Variants in AGO2 observed in about 807,000 individuals in gnomAD.
AGO2 encodes the protein argonaute RISC catalytic component 2, also known as protein argonaute-2.
AGO2 carries 5 observed loss-of-function variants against 102.3 expected under a neutral mutation model. That is an observed-to-expected ratio of 0.05 (90% CI 0.03 to 0.10). AGO2 has a LOEUF of 0.10. Among genes scored for constraint, AGO2 ranks in the 10% least tolerant of loss-of-function variants. AGO2 has a pLI of 1.00. For missense variants in AGO2, 541 were observed against 1,183.7 expected (o/e 0.46, Z 7.97); for synonymous variants, 449 against 473.1 (o/e 0.95, Z 0.66).
In AGO2 at chr8:140,547,336, G is replaced by C. The variant is rs2072918446; in HGVS notation, c.1748+132C>G. 3 of 1,166,982 alleles carry C rather than the reference G, an allele frequency of 2.6e-6. No homozygotes were observed. The East Asian group carries it at 7.7e-5, about 30-fold the overall frequency. 72.3% of individuals were successfully genotyped at this position (1,166,982 alleles called of 1,614,324 possible). On this transcript the variant is annotated intron_variant, in intron 13 of 18. Transcript: ENST00000220592. ...GATCTATGTCTGACATCTTTGCTCT[G>C]CTGTGGCCAGGACGGTGCTGGGCCC... is the stretch of plus-strand genomic sequence containing the variant.
Position 140,573,151 on chromosome 8 carries a change from C to T in AGO2, c.216-219G>A, listed in dbSNP as rs536371892. ...TAACCTCACAAGTAGCTGGGATTAA[C>T]GCCACCACGCCCGGCTAATTTTTTC... On this transcript the variant is annotated intron_variant, in intron 2 of 18. Transcript: ENST00000220592. Among the ~76,000 whole-genome samples, 10 of 151,264 alleles carry T rather than the reference C, an allele frequency of 6.6e-5. No individual in the cohort carries two copies. The South Asian group carries it at 1.3e-3, about 19-fold the overall frequency.
At chr8:140,591,393 C>T (rs1362068914) in intron 1 of AGO2, among the ~76,000 whole-genome samples, 3 of 152,222 alleles carry the variant, frequency 2.0e-5, no homozygotes, top group African/African-American at 2.4e-5. Context: ...TGGAACGCTG[C>T]GCTGAGGCCG....
At position 140,536,444 on chromosome 8, in the gene AGO2, G is replaced by A. The variant is rs576974362; in HGVS notation, c.2170-875C>T. ...CAGGTTCAAGCGATTCTCCTGCCTC[G>A]GCCTCCCGAGTGGCTGGGACTACAG... On this transcript the variant is annotated intron_variant, in intron 16 of 18. Coordinates refer to ENST00000220592, the MANE Select transcript of AGO2 (RefSeq NM_012154.5). Among the ~76,000 whole-genome samples the A allele has an allele frequency of 9.3e-5, 14 of 151,336 alleles. No individual in the cohort carries two copies. The East Asian group carries it at 9.7e-4, about 11-fold the overall frequency.
In AGO2 at chr8:140,539,573, T is replaced by C. The variant is rs2293937; in HGVS notation, c.2035-119A>G. 4,668 of 1,250,462 alleles carry C rather than the reference T, an allele frequency of 3.7e-3. 99 individuals carry two copies. In the East Asian group the frequency reaches 0.05, roughly 13 times the overall value. The allele number at this position is 1,250,462 out of a possible 1,614,324, so 77.5% of individuals were successfully genotyped here. ...CGTGGTGATTCTGAGAGACAATGAG[T>C]GTGTTCACGGGGAGGTGAAAACACG... On this transcript the variant is annotated intron_variant, in intron 15 of 18. Coordinates refer to ENST00000220592, the MANE Select transcript of AGO2 (RefSeq NM_012154.5). This position sits in a 1 kb window ranked among gnomAD's most constrained non-coding sequence, Gnocchi z 4.7.
chr8:140,552,696 G>GCACTCACATGCACATGAACA (rs2073018528), intron 10 of AGO2, among the ~76,000 whole-genome samples: 2 of 150,842 alleles, frequency 1.3e-5, no homozygotes, highest in South Asian at 4.2e-4. Context: ...ACACACGCAT[G>GCACTCACATGCACATGAACA]CACTCACATG....
chr8:140,611,631 C>T (rs1275078726), intron 1 of AGO2, among the ~76,000 whole-genome samples: 1 of 151,970 alleles, frequency 6.6e-6, no homozygotes. Context: ...CCTGGCCGTG[C>T]CTGGTCTCTT....
intron 10 of AGO2, among the ~76,000 whole-genome samples, chr8:140,554,523 T>C (rs1005256433): frequency 6.6e-6 from 1 of 152,150 alleles, no homozygotes; most frequent in African/African-American, 2.4e-5. Flanking sequence ...GGTAATGCTA[T>C]TATTTTCACA....
At chr8:140,595,574 T>C (rs28670103) in intron 1 of AGO2, among the ~76,000 whole-genome samples, 58,149 of 142,392 alleles carry the variant, frequency 0.41, 12,851 homozygotes, top group Non-Finnish European at 0.49. Flanking sequence ...CCCAAATAGC[T>C]GGGACTACAG....
rs904206594 is a variant in AGO2, at chr8:140,540,764, G to A, written c.2034+400C>T. Among the ~76,000 whole-genome samples the A allele has an allele frequency of 6.6e-6, 1 of 152,164 alleles. No homozygotes were observed. Among genetic ancestry groups the A allele is most frequent in the Non-Finnish European group, 1.5e-5 (1 of 68,038 alleles). ...CTGCCTCCACACCTCTCACACTGCAGACAGGCGTCCCCAGACGCAATGAGC... is the reference window on the plus strand; with the variant it reads ...CTGCCTCCACACCTCTCACACTGCAAACAGGCGTCCCCAGACGCAATGAGC... On this transcript the variant is annotated intron_variant, in intron 15 of 18. Transcript: ENST00000220592. This position sits in a 1 kb window ranked among gnomAD's most constrained non-coding sequence, Gnocchi z 5.0.
intron 12 of AGO2, 131 bp from the exon 13 acceptor site, chr8:140,547,758 C>A (rs933888848): frequency 1.6e-6 from 2 of 1,290,154 alleles, no homozygotes. Flanking sequence ...CTGAGCTTTG[C>A]GTGTCCCCCT....
At chr8:140,635,417 C>G in intron 1 of AGO2, 68 bp downstream of exon 1, 1 of 974,398 alleles carries the variant, frequency 1.0e-6, no homozygotes, top group African/African-American at 1.8e-5. Flanking sequence ...GCCGCCCGCG[C>G]CGGGCCCGCC....
intron 1 of AGO2, among the ~76,000 whole-genome samples, chr8:140,604,449 T>C (rs534372909): frequency 6.6e-6 from 1 of 151,716 alleles, no homozygotes; most frequent in African/African-American, 2.4e-5. Context: ...TCCCAGCACT[T>C]TGGGAGGCAG....
intron 8 of AGO2, 133 bp downstream of exon 8, chr8:140,556,956 G>T: frequency 7.7e-7 from 1 of 1,305,762 alleles, no homozygotes; most frequent in Non-Finnish European, 1.1e-6. Flanking sequence ...TAACCCACCC[G>T]CATTCCTGCA....
intron 1 of AGO2, among the ~76,000 whole-genome samples, chr8:140,611,246 G>A (rs538333841): frequency 6.6e-6 from 1 of 152,304 alleles, no homozygotes; most frequent in African/African-American, 2.4e-5. Flanking sequence ...TGCACAGCAC[G>A]GGGACGAAGC....
At position 140,551,349 on chromosome 8, in the gene AGO2, T is replaced by C. The variant is rs1319968159; in HGVS notation, c.1357A>G (p.Ile453Val). 3 of 1,589,790 alleles carry C rather than the reference T, an allele frequency of 1.9e-6. No individual in the cohort carries two copies. Among genetic ancestry groups the C allele is most frequent in the African/African-American group, 1.3e-5 (1 of 74,266 alleles). Residue 453 changes from isoleucine to valine, a missense_variant, in exon 11 of 19, where the codon ATT becomes GTT. Transcript: ENST00000220592. ...HTGIEIKVWA[I>V]ACFAPQRQCT... Reference sequence around the variant, plus strand: ...TGGCGCTGGGGGGCGAAGCACGCAATGGCCCACACCTTGATCTCGATGCCC... The same window carrying C: ...TGGCGCTGGGGGGCGAAGCACGCAACGGCCCACACCTTGATCTCGATGCCC...
At chr8:140,615,430 C>T (rs1211516636) in intron 1 of AGO2, among the ~76,000 whole-genome samples, 1 of 152,256 alleles carries the variant, frequency 6.6e-6, no homozygotes, top group East Asian at 1.9e-4. Context: ...CGGCCCTTCT[C>T]ATGCCACAGT....
intron 1 of AGO2, among the ~76,000 whole-genome samples, chr8:140,604,008 T>C (rs894654852): frequency 1.8e-4 from 27 of 152,192 alleles, no homozygotes; most frequent in Non-Finnish European, 1.3e-4. Context: ...AGTGGTCCCA[T>C]CATCCAGGCC....
chr8:140,566,185 A>AT (rs1449878051), intron 3 of AGO2, among the ~76,000 whole-genome samples: 2 of 152,188 alleles, frequency 1.3e-5, no homozygotes, highest in East Asian at 3.8e-4. Context: ...TGACTGAATC[A>AT]TGGGGGCTGG....
intron 1 of AGO2, among the ~76,000 whole-genome samples, chr8:140,620,458 G>C (rs1014319460): frequency 3.9e-5 from 6 of 152,238 alleles, no homozygotes. Context: ...AAACTATGGA[G>C]GGTGCGGAGC....
Sources: gnomAD v4.1 joint callset for allele counts (sites outside exome capture counted in the v4.1 genomes callset) on GRCh38, gnomAD v4.1.1 for gene constraint, Gnocchi (gnomAD v3.1) non-coding constraint, MANE v1.5 for transcripts, NCBI Gene and HGNC (gene_info 2026-07-23, HGNC 2026-07-21) for gene names.